The following ATP13A5 variants were observed in gnomAD, a reference collection of about 807,000 sequenced individuals.
ATP13A5 encodes probable cation-transporting ATPase 13A5.
A neutral mutation model predicts 150.2 loss-of-function variants in ATP13A5; 149 were observed. The observed-to-expected ratio is 0.99, with a 90% CI of 0.87 to 1.14. The LOEUF (loss-of-function observed/expected upper bound fraction) is 1.14. Ranked by LOEUF, ATP13A5 falls within the 50% of genes most tolerant of loss-of-function variation. The pLI is 0.00. For synonymous variants in ATP13A5, 497 were observed against 522.2 expected, an observed-to-expected ratio of 0.95 and a Z score of 0.66; for missense variants, 1,383 against 1,449.3, an observed-to-expected ratio of 0.95 and a Z score of 0.74.
chr3:193,320,248 T>A (rs1282242309), intron 16 of ATP13A5, among the ~76,000 whole-genome samples: 2 of 152,218 alleles, frequency 1.3e-5, no homozygotes, highest in Non-Finnish European at 2.9e-5. Flanking sequence ...GAATTCCAGA[T>A]CTCTCTGTCT....
At chr3:193,275,845 A>C (rs75311030) in intron 29 of ATP13A5, among the ~76,000 whole-genome samples, 1,604 of 152,320 alleles carry the variant, frequency 0.011, 53 homozygotes, top group East Asian at 0.072. Flanking sequence ...TTTCTGTGGT[A>C]AACAATTTTT....
chr3:193,327,293 G>C (rs779725657), intron 12 of ATP13A5, among the ~76,000 whole-genome samples: 2 of 152,148 alleles, frequency 1.3e-5, no homozygotes, highest in Non-Finnish European at 2.9e-5. Flanking sequence ...CTAATGATGA[G>C]GAAAAAATGA....
At chr3:193,307,505 A>C in intron 21 of ATP13A5, 136 bp from the exon 22 acceptor site, 1 of 1,062,322 alleles carries the variant, frequency 9.4e-7, no homozygotes, top group East Asian at 2.6e-5. Context: ...ATCAGGCTGA[A>C]GAAAAATGGT....
At chr3:193,287,060 A>C (rs1407576027) in intron 26 of ATP13A5, among the ~76,000 whole-genome samples, 1 of 152,134 alleles carries the variant, frequency 6.6e-6, no homozygotes, top group Non-Finnish European at 1.5e-5. Flanking sequence ...CAAGGCCCTA[A>C]CTCCCTTCAA....
chr3:193,345,100 A>C, intron 7 of ATP13A5, 25 bp from the exon 8 acceptor site: 1 of 1,599,208 alleles, frequency 6.3e-7, no homozygotes. Flanking sequence ...TTAACATTTA[A>C]ACATTAGATA....
chr3:193,346,672 C>A (rs1712350766), intron 7 of ATP13A5, among the ~76,000 whole-genome samples: 1 of 152,132 alleles, frequency 6.6e-6, no homozygotes, highest in Non-Finnish European at 1.5e-5. Flanking sequence ...CAGGCTAAGA[C>A]AAGCATTACA....
In ATP13A5 at chr3:193,279,423, C is replaced by G. The variant is rs1450391333; in HGVS notation, c.3258G>C (p.Leu1086Phe). ...YIFSFLLLAALGLTIFILFSD... is the reference protein window; with the variant it reads ...YIFSFLLLAAFGLTIFILFSD... ...AAAACAGAATGAAAATTGTGAGGCC[C>G]AAGGCAGCTAGCAGCAGAAATGAAA... Residue 1086 changes from leucine (L) to phenylalanine (F), a missense_variant, in exon 28 of 30, where the codon TTG (leucine) becomes TTC (phenylalanine). Physicochemically the swap from Leu to Phe is conservative, Grantham distance 22. Transcript: ENST00000342358. 5 of 1,613,618 alleles carry G rather than the reference C, an allele frequency of 3.1e-6. No individual in the cohort carries two copies. The highest frequency in any genetic ancestry group is 2.5e-6 in the Non-Finnish European group (3 of 1,179,826).
chr3:193,350,995 A>C, intron 7 of ATP13A5, 72 bp downstream of exon 7: 1 of 1,540,762 alleles, frequency 6.5e-7, no homozygotes, highest in Non-Finnish European at 8.8e-7. Context: ...CCTGGCTCTC[A>C]GTGGAAATAC....
Position 193,274,867 on chromosome 3 carries a change from A to C in ATP13A5, c.*175T>G. The C allele has an allele frequency of 1.2e-6, 1 of 800,672 alleles. No individual in the cohort carries two copies. Among genetic ancestry groups the C allele is most frequent in the South Asian group, 1.8e-5 (1 of 56,562 alleles). 49.6% of individuals were successfully genotyped at this position (800,672 alleles called of 1,614,324 possible). A position where few individuals can be genotyped will look rare whatever the true frequency, so the allele number is the denominator to read the frequency against. On this transcript the variant is annotated 3_prime_UTR_variant, in exon 30 of 30. Transcript: ENST00000342358. Reference sequence around the variant, plus strand: ...TTTTTCTCTCATTGGTAAAGCATACAGTCAGAATAAGCCTATCTAAGGTCC... The same window carrying C: ...TTTTTCTCTCATTGGTAAAGCATACCGTCAGAATAAGCCTATCTAAGGTCC...
intron 26 of ATP13A5, among the ~76,000 whole-genome samples, chr3:193,289,567 G>T (rs1221801229): frequency 6.6e-6 from 1 of 152,128 alleles, no homozygotes; most frequent in Non-Finnish European, 1.5e-5. Context: ...AGTGCACAAA[G>T]CCTATTTACT....
At position 193,324,902 on chromosome 3, in the gene ATP13A5, C is replaced by G; in HGVS notation, c.1636G>C (p.Asp546His). ...LILLNGTIQG[D>H]PLDLKMFEGT... is the part of the protein sequence containing the mutation. Reference sequence around the variant, plus strand: ...TCAAACATTTTGAGGTCCAGAGGGTCTCCCTGGATGGTCCCATTGAGAAGG... The same window carrying G: ...TCAAACATTTTGAGGTCCAGAGGGTGTCCCTGGATGGTCCCATTGAGAAGG... The change falls in exon 14 of 30, where the codon GAC becomes CAC. Residue 546 changes from aspartate to histidine, a missense_variant. Around this residue, in one of 3 missense-constraint regions of ATP13A5, gnomAD observed 787 missense variants for 771.9 expected, o/e 1.02. Coordinates refer to ENST00000342358, the MANE Select transcript of ATP13A5 (RefSeq NM_198505.4). 1 of 1,614,156 alleles carries G rather than the reference C, an allele frequency of 6.2e-7. No homozygotes were observed. Among genetic ancestry groups the G allele is most frequent in the Non-Finnish European group, 8.5e-7 (1 of 1,179,992 alleles).
intron 14 of ATP13A5, among the ~76,000 whole-genome samples, chr3:193,324,543 C>T (rs561192198): frequency 7.2e-4 from 109 of 152,176 alleles, no homozygotes; most frequent in African/African-American, 2.5e-3. Context: ...CAGATAGGTT[C>T]GGTAAATGCT....
chr3:193,355,148 T>C (rs1406225002), intron 5 of ATP13A5, among the ~76,000 whole-genome samples: 1 of 152,016 alleles, frequency 6.6e-6, no homozygotes, highest in African/African-American at 2.4e-5. Flanking sequence ...GTCAGGCTCG[T>C]CTCGAACCCC....
intron 5 of ATP13A5, 77 bp downstream of exon 5, chr3:193,362,304 A>G: frequency 8.0e-7 from 1 of 1,252,514 alleles, no homozygotes. Flanking sequence ...TATGCCAACA[A>G]TGCACTGATG....
In ATP13A5 at chr3:193,363,259, C is replaced by T. The variant is rs1274554055; in HGVS notation, c.361G>A (p.Ala121Thr). 1.2e-6 allele frequency: 2 copies of T among 1,613,460 alleles called. No individual in the cohort carries two copies. Among genetic ancestry groups the T allele is most frequent in the Admixed American group, 1.7e-5 (1 of 59,962 alleles). ...ACTTTTAATTCTGGCTTTATTAAGG[C>T]TTGGTTTATGACAGAGTGGCGGTCA... ...VADRHSVINQ[A>T]LIKPELKLRC... is the part of the protein sequence containing the mutation. Residue 121 changes from alanine to threonine, a missense_variant, in exon 3 of 30, where the codon GCC (alanine) becomes ACC (threonine). Ala to Thr is a moderately conservative substitution (Grantham distance 58). Coordinates refer to ENST00000342358, the MANE Select transcript of ATP13A5 (RefSeq NM_198505.4).
chr3:193,328,345 C>T (rs1209283208), intron 12 of ATP13A5, among the ~76,000 whole-genome samples: 2 of 152,212 alleles, frequency 1.3e-5, no homozygotes, highest in Non-Finnish European at 2.9e-5. Flanking sequence ...ATTTCTTAAA[C>T]AACAACTTTT....
At position 193,363,232 on chromosome 3, in the gene ATP13A5, T is replaced by C; in HGVS notation, c.384+4A>G. 5 of 1,611,978 alleles carry C rather than the reference T, an allele frequency of 3.1e-6. No individual in the cohort carries two copies. Among genetic ancestry groups the C allele is most frequent in the Non-Finnish European group, 4.2e-6 (5 of 1,179,044 alleles). Reference sequence around the variant, plus strand: ...CATAACACCATACCCTTCAAGTAACTTACTTTTAATTCTGGCTTTATTAAG... The same window carrying C: ...CATAACACCATACCCTTCAAGTAACCTACTTTTAATTCTGGCTTTATTAAG... On this transcript the variant is annotated splice_donor_region_variant and intron_variant, in intron 3 of 29. Coordinates refer to ENST00000342358, the MANE Select transcript of ATP13A5 (RefSeq NM_198505.4).
At chr3:193,317,239 G>A (rs1393372814) in intron 17 of ATP13A5, among the ~76,000 whole-genome samples, 1 of 152,136 alleles carries the variant, frequency 6.6e-6, no homozygotes, top group Non-Finnish European at 1.5e-5. Flanking sequence ...TGAGGACTTT[G>A]CTGATTGCCT....
At chr3:193,283,337 C>T (rs144454024) in intron 27 of ATP13A5, among the ~76,000 whole-genome samples, 1 of 152,170 alleles carries the variant, frequency 6.6e-6, no homozygotes, top group African/African-American at 2.4e-5. Flanking sequence ...TTAGAAAAAA[C>T]TTCCTGTGCA....
Sources: allele counts gnomAD v4.1 joint callset (sites outside exome capture counted in the v4.1 genomes callset), GRCh38; gene constraint gnomAD v4.1.1; regional missense constraint gnomAD v4.1.1; transcripts MANE v1.5; gene names NCBI Gene and HGNC (gene_info 2026-07-23, HGNC 2026-07-21).